Variants in PTPRO observed in about 807,000 individuals in gnomAD.
The protein encoded by PTPRO is receptor-type tyrosine-protein phosphatase O.
In PTPRO, 62 loss-of-function variants were observed where a neutral mutation model predicts 145.2. That is an observed-to-expected ratio of 0.43 (90% confidence interval 0.35 to 0.53). The LOEUF is 0.53. Among genes scored for constraint, PTPRO ranks in the 20% least tolerant of loss-of-function variants. PTPRO has a pLI of 0.01. For missense variants in PTPRO, 1,345 were observed against 1,482.7 expected (o/e 0.91, Z 1.53); for synonymous variants, 565 against 514.7 (o/e 1.10, Z -1.32).
chr12:15,471,595 G>T (rs977713475), intron 1 of PTPRO, among the ~76,000 whole-genome samples: 13 of 152,172 alleles, frequency 8.5e-5, no homozygotes, highest in African/African-American at 2.9e-4. Context: ...GATGCTCTTT[G>T]TTATGTCATC....
chr12:15,366,810 A>T (rs1233908036), intron 1 of PTPRO, among the ~76,000 whole-genome samples: 3 of 152,172 alleles, frequency 2.0e-5, no homozygotes, highest in Admixed American at 2.0e-4. Flanking sequence ...TAAACAAATA[A>T]ATGTCAAATC....
intron 1 of PTPRO, among the ~76,000 whole-genome samples, chr12:15,328,656 T>C (rs1013742379): frequency 1.3e-5 from 2 of 152,114 alleles, no homozygotes; most frequent in Non-Finnish European, 2.9e-5. Flanking sequence ...AAAATGAATA[T>C]AGGGGAAATT....
intron 23 of PTPRO, among the ~76,000 whole-genome samples, chr12:15,585,616 T>C (rs1944414872): frequency 6.6e-6 from 1 of 152,234 alleles, no homozygotes; most frequent in South Asian, 2.1e-4. Flanking sequence ...CTCTTTGAAA[T>C]TCATTTCTCT....
At chr12:15,437,700 C>T (rs918030272) in intron 1 of PTPRO, among the ~76,000 whole-genome samples, 14 of 152,220 alleles carry the variant, frequency 9.2e-5, no homozygotes, top group Non-Finnish European at 1.6e-4. Context: ...GATCTGCAGG[C>T]ATCTGAAGCA....
intron 1 of PTPRO, among the ~76,000 whole-genome samples, chr12:15,477,669 G>C (rs932081650): frequency 6.6e-6 from 1 of 152,056 alleles, no homozygotes; most frequent in Non-Finnish European, 1.5e-5. Flanking sequence ...CGTGAGTCGG[G>C]ACAAAGTGGC....
chr12:15,505,574 C>T (rs1157265394), intron 6 of PTPRO, among the ~76,000 whole-genome samples: 1 of 152,054 alleles, frequency 6.6e-6, no homozygotes, highest in Admixed American at 6.6e-5. Context: ...TTCTCTGTTG[C>T]TAAAAGAATG....
intron 1 of PTPRO, among the ~76,000 whole-genome samples, chr12:15,466,623 G>A (rs1481760078): frequency 6.6e-6 from 1 of 152,120 alleles, no homozygotes; most frequent in Admixed American, 6.6e-5. Context: ...ACTATGGCAA[G>A]CACCTTAATT....
intron 12 of PTPRO, among the ~76,000 whole-genome samples, chr12:15,544,307 A>C (rs1943235838): frequency 6.6e-6 from 1 of 151,992 alleles, no homozygotes; most frequent in African/African-American, 2.4e-5. Context: ...GATCGAGACC[A>C]TCCTGGCCAA....
intron 1 of PTPRO, among the ~76,000 whole-genome samples, chr12:15,381,835 C>A (rs1007776896): frequency 1.3e-5 from 2 of 152,020 alleles, no homozygotes; most frequent in African/African-American, 4.8e-5. Context: ...AAAGTTTTAG[C>A]TGGAAAAATG....
chr12:15,514,709 G>T (rs534915201), intron 7 of PTPRO, among the ~76,000 whole-genome samples: 1 of 151,786 alleles, frequency 6.6e-6, no homozygotes, highest in South Asian at 2.1e-4. Flanking sequence ...GAGCACTTTG[G>T]ACTAGGTAAT....
At chr12:15,546,459 CT>C in intron 12 of PTPRO, 109 bp from the exon 13 acceptor site, 1 of 1,526,812 alleles carries the variant, frequency 6.5e-7, no homozygotes, top group Non-Finnish European at 8.8e-7. Flanking sequence ...CTTTATGGTG[CT>C]CTTACCTACC....
At chr12:15,439,772 T>C (rs1591813143) in intron 1 of PTPRO, 5 of 594,858 alleles carry the variant, frequency 8.4e-6, no homozygotes, top group Non-Finnish European at 1.6e-5. Context: ...GATCTACCTC[T>C]TCTCCCTGCC....
chr12:15,383,368 T>A (rs936903289), intron 1 of PTPRO, among the ~76,000 whole-genome samples: 4 of 152,218 alleles, frequency 2.6e-5, no homozygotes, highest in Non-Finnish European at 5.9e-5. Flanking sequence ...TCTATTTGTC[T>A]ATTGATGGAT....
intron 1 of PTPRO, among the ~76,000 whole-genome samples, chr12:15,467,044 GA>G (rs1941432403): frequency 6.6e-6 from 1 of 152,158 alleles, no homozygotes; most frequent in South Asian, 2.1e-4. Flanking sequence ...CTGCTAATCT[GA>G]AAAGTGCAAA....
At chr12:15,531,853 G>C (rs952471290) in intron 12 of PTPRO, among the ~76,000 whole-genome samples, 2 of 152,070 alleles carry the variant, frequency 1.3e-5, no homozygotes, top group Non-Finnish European at 2.9e-5. Flanking sequence ...CATTTTTTAA[G>C]ATGTCTGCTA....
chr12:15,510,076 G>A (rs568091958), intron 7 of PTPRO, among the ~76,000 whole-genome samples: 53 of 152,306 alleles, frequency 3.5e-4, no homozygotes, highest in South Asian at 6.2e-4. Context: ...TGTGGAGTAC[G>A]TTGGAAATGT....
intron 26 of PTPRO, 134 bp from the exon 27 acceptor site, chr12:15,595,956 A>G (rs1485652954): frequency 6.6e-6 from 1 of 152,460 alleles, no homozygotes; most frequent in Non-Finnish European, 1.5e-5. Flanking sequence ...AGGAGGCAGC[A>G]CACAGAGAAA....
intron 1 of PTPRO, among the ~76,000 whole-genome samples, chr12:15,396,790 T>C (rs1939353652): frequency 6.6e-6 from 1 of 152,212 alleles, no homozygotes; most frequent in Non-Finnish European, 1.5e-5. Flanking sequence ...CTCCTCTTAA[T>C]ATAGTCTTTC....
chr12:15,560,029 C>T (rs1401049580), intron 16 of PTPRO, among the ~76,000 whole-genome samples, 164 bp from the exon 17 acceptor site: 2 of 152,020 alleles, frequency 1.3e-5, no homozygotes, highest in East Asian at 1.9e-4. Context: ...CATTTAAGCC[C>T]GCACATTTAT....
Sources: allele counts gnomAD v4.1 joint callset (sites outside exome capture counted in the v4.1 genomes callset), GRCh38; gene constraint gnomAD v4.1.1; transcripts MANE v1.5; gene names NCBI Gene and HGNC (gene_info 2026-07-23, HGNC 2026-07-21).